The following SLC16A9 variants were observed in gnomAD, a reference collection of about 807,000 sequenced individuals.
SLC16A9 encodes the protein solute carrier family 16 member 9, also known as monocarboxylate transporter 9.
A neutral mutation model predicts 44.3 loss-of-function variants in SLC16A9; 26 were observed. That is an observed-to-expected ratio of 0.59 (90% CI 0.43 to 0.81). The LOEUF is 0.81. Among genes scored for constraint, SLC16A9 ranks in the 40% least tolerant of loss-of-function variants. The probability of loss-of-function intolerance (pLI) is 0.00; values close to 1 mark genes in which losing one functional copy is unlikely to be tolerated. For missense variants in SLC16A9, 559 were observed against 595.8 expected (o/e 0.94, Z 0.64); for synonymous variants, 230 against 225.1 (o/e 1.02, Z -0.19).
At chr10:59,706,537 C>T (rs1308623576) in intron 1 of SLC16A9, among the ~76,000 whole-genome samples, 1 of 152,058 alleles carries the variant, frequency 6.6e-6, no homozygotes, top group Non-Finnish European at 1.5e-5. Context: ...GAGATAGCTG[C>T]ACTTCCATGT....
intron 1 of SLC16A9, among the ~76,000 whole-genome samples, chr10:59,685,663 T>C (rs544773856): frequency 1.3e-5 from 2 of 152,354 alleles, no homozygotes; most frequent in Admixed American, 6.5e-5. Context: ...GTGGCTTTAA[T>C]GGAAAACAAT....
At chr10:59,677,253 A>G (rs571226922) in intron 2 of SLC16A9, among the ~76,000 whole-genome samples, 55 of 151,950 alleles carry the variant, frequency 3.6e-4, no homozygotes, top group Non-Finnish European at 7.1e-4. Context: ...ACTCCTGGCT[A>G]ATTAAAAAAA....
At chr10:59,677,063 T>TCACACA (rs57206841) in intron 2 of SLC16A9, among the ~76,000 whole-genome samples, 1 of 149,122 alleles carries the variant, frequency 6.7e-6, no homozygotes, top group Non-Finnish European at 1.5e-5. Context: ...AATAGGAACT[T>TCACACA]CACACACACA....
At chr10:59,709,408 C>T (rs548802897) in intron 1 of SLC16A9, 71 bp downstream of exon 1, 9 of 152,580 alleles carry the variant, frequency 5.9e-5, no homozygotes, top group African/African-American at 2.2e-4. Context: ...TTACTTCTTG[C>T]CTCTAGGACG....
At chr10:59,683,727 C>T (rs1840071824) in intron 2 of SLC16A9, among the ~76,000 whole-genome samples, 2 of 152,186 alleles carry the variant, frequency 1.3e-5, no homozygotes, top group Non-Finnish European at 1.5e-5. Context: ...TGGATCACTA[C>T]CTTCATCTCC....
intron 4 of SLC16A9, among the ~76,000 whole-genome samples, chr10:59,659,788 A>T (rs549665726): frequency 6.6e-6 from 1 of 152,232 alleles, no homozygotes; most frequent in Non-Finnish European, 1.5e-5. Context: ...AACGGAAATC[A>T]TAACAAACAG....
At chr10:59,708,425 AG>A (rs1324813278) in intron 1 of SLC16A9, among the ~76,000 whole-genome samples, 1 of 152,210 alleles carries the variant, frequency 6.6e-6, no homozygotes, top group Non-Finnish European at 1.5e-5. Flanking sequence ...CTCAAATATA[AG>A]AAACTGTTAG....
chr10:59,658,072 A>G (rs1025773782), intron 4 of SLC16A9, among the ~76,000 whole-genome samples: 1 of 152,226 alleles, frequency 6.6e-6, no homozygotes, highest in Non-Finnish European at 1.5e-5. Flanking sequence ...TTCTATCTGC[A>G]TAATGGGAAC....
rs1337455928 is a variant in SLC16A9 at position 59,651,623 on chromosome 10, T to C, written c.*1149A>G. Reference sequence around the variant, plus strand: ...TACCAAAGTTTAAAACCCATTTCTTTAGAAAAAAAATCAATGTATTAAACA... The same window carrying C: ...TACCAAAGTTTAAAACCCATTTCTTCAGAAAAAAAATCAATGTATTAAACA... On this transcript the variant is annotated 3_prime_UTR_variant, in exon 6 of 6. Coordinates refer to ENST00000395348, the MANE Select transcript of SLC16A9 (RefSeq NM_194298.3). The C allele has an allele frequency of 6.6e-6, 1 of 152,142 alleles. No individual in the cohort carries two copies. The highest frequency in any genetic ancestry group is 2.1e-4 in the South Asian group (1 of 4,826). The allele number at this position is 152,142 out of a possible 1,614,324, so 9.4% of individuals were successfully genotyped here.
At chr10:59,660,521 C>A (rs1429649239) in intron 4 of SLC16A9, among the ~76,000 whole-genome samples, 1 of 152,032 alleles carries the variant, frequency 6.6e-6, no homozygotes, top group Non-Finnish European at 1.5e-5. Flanking sequence ...AGCCTACCAA[C>A]CCAAAAAAAT....
At chr10:59,677,582 T>G (rs1171602) in intron 2 of SLC16A9, among the ~76,000 whole-genome samples, 87,848 of 151,774 alleles carry the variant, frequency 0.58, 26,002 homozygotes, top group East Asian at 0.82. Context: ...CGCATCAAGG[T>G]TTAAAATAAA....
At chr10:59,700,029 G>T (rs1840488691) in intron 1 of SLC16A9, among the ~76,000 whole-genome samples, 1 of 151,870 alleles carries the variant, frequency 6.6e-6, no homozygotes, top group South Asian at 2.1e-4. Context: ...ATAATTTCCT[G>T]ATGGAAAGAA....
Position 59,654,404 on chromosome 10 carries a change from G to T in SLC16A9, c.622C>A (p.Pro208Thr). ...LPKKIAPEDL[P>T]DKYSIYNEKG... ...TCATTGTAAATGGAGTATTTATCTG[G>T]TAGATCTTCTGGAGCTATTTTTTTA... The change falls in exon 5 of 6, where the codon CCA becomes ACA. Residue 208 changes from proline to threonine, a missense_variant. By Grantham distance (38) the Pro-to-Thr change is conservative (BLOSUM62 -1). Transcript: ENST00000395348. The T allele has an allele frequency of 6.2e-7, 1 of 1,613,624 alleles. No homozygotes were observed. Among genetic ancestry groups the T allele is most frequent in the Non-Finnish European group, 8.5e-7 (1 of 1,180,016 alleles).
chr10:59,653,606 G>T (rs10466047), intron 5 of SLC16A9, 69 bp downstream of exon 5: 2 of 1,319,424 alleles, frequency 1.5e-6, no homozygotes, highest in East Asian at 2.3e-5. Context: ...TTACAATCTG[G>T]ACCTCTATAT....
chr10:59,707,521 T>C (rs968222454), intron 1 of SLC16A9, among the ~76,000 whole-genome samples: 6 of 149,322 alleles, frequency 4.0e-5, no homozygotes, highest in East Asian at 4.0e-4. Context: ...ATAGTGACTA[T>C]AGTCACTATA....
intron 2 of SLC16A9, among the ~76,000 whole-genome samples, chr10:59,681,389 A>G: frequency 7.1e-6 from 1 of 140,862 alleles, no homozygotes; most frequent in Admixed American, 7.3e-5. Context: ...ACTTGTACAC[A>G]ATATCTAAAG....
rs1459324760 is a variant in SLC16A9 at position 59,707,311 on chromosome 10, AGGGAAGGGAAGGGAAGGGAAGGGAG to A, written c.-37+2143_-37+2167del. On this transcript the variant is annotated intron_variant, in intron 1 of 5. Coordinates refer to ENST00000395348, the MANE Select transcript of SLC16A9 (RefSeq NM_194298.3). ...AGGGAAGGGAAGGGAAGGGAAGGGAAGGGAAGGGAAGGGAAGGGAAGGGAGGGGAAGGGAGGGGAAGGGAAGGGAA... is the reference window on the plus strand; with the variant it reads ...AGGGAAGGGAAGGGAAGGGAAGGGAAGGGAAGGGAGGGGAAGGGAAGGGAA... Among the ~76,000 whole-genome samples, 436 of 84,130 alleles carry A rather than the reference AGGGAAGGGAAGGGAAGGGAAGGGAG, an allele frequency of 5.2e-3. 15 individuals carry two copies. The East Asian group carries it at 0.067, about 13-fold the overall frequency. 55.2% of individuals were successfully genotyped at this position (84,130 alleles called of 152,430 possible). A position where few individuals can be genotyped will look rare whatever the true frequency, so the allele number is the denominator to read the frequency against.
rs754998000 is a variant in SLC16A9, at chr10:59,653,791, C to A, written c.1235G>T (p.Trp412Leu). The change falls in exon 5 of 6, where the codon TGG (tryptophan) becomes TTG (leucine). Residue 412 changes from tryptophan to leucine, a missense_variant. By Grantham distance (61) the Trp-to-Leu change is moderately conservative. Coordinates refer to ENST00000395348, the MANE Select transcript of SLC16A9 (RefSeq NM_194298.3). The stretch of plus-strand genomic sequence containing the variant: ...CGTGGTCACATATGGAAAGATGGAC[C>A]AATTACCAGTAAGAAACCCTAGGAT... ...SGILGFLTGN[W>L]SIFPYVTTKT... 68 of 1,613,900 alleles carry A rather than the reference C, an allele frequency of 4.2e-5. No individual in the cohort carries two copies. The highest frequency in any genetic ancestry group is 5.5e-5 in the Non-Finnish European group (65 of 1,180,016).
At chr10:59,666,340 T>A (rs1057427519) in intron 3 of SLC16A9, among the ~76,000 whole-genome samples, 7 of 151,720 alleles carry the variant, frequency 4.6e-5, no homozygotes, top group African/African-American at 1.7e-4. Context: ...GGTGGCATGA[T>A]TCCTCTCTTC....
Sources: allele counts gnomAD v4.1 joint callset (sites outside exome capture counted in the v4.1 genomes callset), GRCh38; gene constraint gnomAD v4.1.1; transcripts MANE v1.5; gene names NCBI Gene and HGNC (gene_info 2026-07-23, HGNC 2026-07-21).